NFIB: variants seen among roughly 807,000 people sequenced by gnomAD.
NFIB encodes nuclear factor I B.
Under a neutral mutation model 61.5 loss-of-function variants are expected in NFIB, and 11 were observed. That is an observed-to-expected ratio of 0.18 (90% confidence interval 0.11 to 0.30). NFIB has a LOEUF of 0.30. NFIB is among the 10% of genes least tolerant of loss of function. The probability of loss-of-function intolerance (pLI) is 1.00; values close to 1 mark genes in which losing one functional copy is unlikely to be tolerated. For missense variants in NFIB, 471 were observed against 608.9 expected, an observed-to-expected ratio of 0.77 and a Z score of 2.38; for synonymous variants, 260 against 216.5, an observed-to-expected ratio of 1.20 and a Z score of -1.76.
intron 3 of NFIB, among the ~76,000 whole-genome samples, chr9:14,156,872 T>G (rs1050469910): frequency 2.6e-5 from 4 of 152,136 alleles, no homozygotes; most frequent in African/African-American, 9.7e-5. Context: ...AAAACTAGAT[T>G]CTAAGAACTG....
the NFIB span, among the ~76,000 whole-genome samples, chr9:14,435,169 T>G: frequency 1.3e-5 from 2 of 152,342 alleles, no homozygotes; most frequent in East Asian, 3.9e-4. Flanking sequence ...GGCAAGGCAT[T>G]CTCTGGCCTG....
At chr9:14,522,829 G>A in the NFIB span, among the ~76,000 whole-genome samples, 1 of 152,130 alleles carries the variant, frequency 6.6e-6, no homozygotes, top group African/African-American at 2.4e-5. Flanking sequence ...AACTGTTGAA[G>A]GTGAAGACTG....
intron 2 of NFIB, among the ~76,000 whole-genome samples, chr9:14,294,841 G>C (rs1055724817): frequency 9.2e-5 from 14 of 152,138 alleles, no homozygotes; most frequent in African/African-American, 3.4e-4. Context: ...AATTTTCCTA[G>C]TAGGGATTGT....
At chr9:14,264,397 T>C (rs1228218752) in intron 2 of NFIB, among the ~76,000 whole-genome samples, 1 of 152,124 alleles carries the variant, frequency 6.6e-6, no homozygotes, top group Non-Finnish European at 1.5e-5. Context: ...ACGTGCCCAA[T>C]AAATAATGTT....
chr9:14,267,707 C>G (rs888696982), intron 2 of NFIB, among the ~76,000 whole-genome samples: 2 of 152,192 alleles, frequency 1.3e-5, no homozygotes, highest in East Asian at 3.9e-4. Flanking sequence ...AGTGAGCCCC[C>G]TGAGGGCAGA....
In NFIB at chr9:14,223,512, G is replaced by A. The variant is rs2051971436; in HGVS notation, c.563-43732C>T. On this transcript the variant is annotated intron_variant, in intron 2 of 10. Transcript: ENST00000380953. ...CATTCCAATTTTTTTTAGGGCATTT[G>A]TCTATAAAAATGTAGAAACCACTAA... Among the ~76,000 whole-genome samples, 4 of 152,180 alleles carry A rather than the reference G, an allele frequency of 2.6e-5. 1 individual carries two copies. The Middle Eastern group carries it at 0.01, about 388-fold the overall frequency.
the NFIB span, among the ~76,000 whole-genome samples, chr9:14,506,382 G>C: frequency 6.6e-6 from 1 of 152,134 alleles, no homozygotes; most frequent in African/African-American, 2.4e-5. Context: ...GCCAAAGCTT[G>C]AACTTTTAGA....
At chr9:14,408,355 T>G in the NFIB span, among the ~76,000 whole-genome samples, 1 of 152,226 alleles carries the variant, frequency 6.6e-6, no homozygotes, top group Non-Finnish European at 1.5e-5. Context: ...ATCTTTATTG[T>G]CATCAACTAT....
At chr9:14,182,704 CTCTCTGTGTGTGTGTGTG>C (rs927206560) in intron 2 of NFIB, among the ~76,000 whole-genome samples, 1 of 128,472 alleles carries the variant, frequency 7.8e-6, no homozygotes, top group East Asian at 2.5e-4. Context: ...CTCTCTCTCT[CTCTCTGTGTGTGTGTGTG>C]TGTGTGTGTG....
intron 1 of NFIB, among the ~76,000 whole-genome samples, chr9:14,337,806 A>G (rs2060902156): frequency 6.6e-6 from 1 of 152,162 alleles, no homozygotes; most frequent in Non-Finnish European, 1.5e-5. Flanking sequence ...TTTTCAGTTT[A>G]CTTTTGTTTC....
chr9:14,512,138 G>A, the NFIB span, among the ~76,000 whole-genome samples: 2 of 152,098 alleles, frequency 1.3e-5, no homozygotes, highest in African/African-American at 2.4e-5. Context: ...TTCTAACTCT[G>A]GGTTTCCCAA....
intron 2 of NFIB, among the ~76,000 whole-genome samples, chr9:14,205,570 G>A (rs939436629): frequency 2.0e-5 from 3 of 151,950 alleles, no homozygotes; most frequent in Non-Finnish European, 4.4e-5. Flanking sequence ...AGACTGTTCC[G>A]CAAGTTTAAG....
At chr9:14,504,611 T>C in the NFIB span, among the ~76,000 whole-genome samples, 3 of 152,176 alleles carry the variant, frequency 2.0e-5, no homozygotes, top group African/African-American at 7.2e-5. Flanking sequence ...AGGGGTTAAG[T>C]TCTTGATTTG....
At chr9:14,300,745 T>C (rs2059706152) in intron 2 of NFIB, among the ~76,000 whole-genome samples, 1 of 152,194 alleles carries the variant, frequency 6.6e-6, no homozygotes, top group African/African-American at 2.4e-5. Context: ...TAACCTTCCG[T>C]TGGGTCCCTC....
At chr9:14,320,569 T>C (rs1177963354) in intron 1 of NFIB, among the ~76,000 whole-genome samples, 1 of 152,232 alleles carries the variant, frequency 6.6e-6, no homozygotes, top group Non-Finnish European at 1.5e-5. Context: ...TTGCAGTTTT[T>C]ACTTAGGATG....
chr9:14,451,624 C>T, the NFIB span, among the ~76,000 whole-genome samples: 2 of 152,198 alleles, frequency 1.3e-5, no homozygotes, highest in African/African-American at 4.8e-5. Flanking sequence ...AACTAGCATA[C>T]AAGTATCCAG....
At position 14,289,122 on chromosome 9, in the gene NFIB, GTA is replaced by G. The variant is rs60051220; in HGVS notation, c.562+17865_562+17866del. ...TGTGTGTGTATGTGTGTGTGTATAT[GTA>G]TATATATATATATATACATATATAT... is the stretch of plus-strand genomic sequence containing the variant. On this transcript the variant is annotated intron_variant, in intron 2 of 10. Coordinates refer to ENST00000380953, the MANE Select transcript of NFIB (RefSeq NM_001190737.2). Among the ~76,000 whole-genome samples, 145 of 139,696 alleles carry G rather than the reference GTA, an allele frequency of 1.0e-3. 4 individuals carry two copies. Among genetic ancestry groups the G allele is most frequent in the Admixed American group, 1.5e-3 (21 of 13,670 alleles). The allele number at this position is 139,696 out of a possible 152,430, so 91.6% of individuals were successfully genotyped here. A position where few individuals can be genotyped will look rare whatever the true frequency, so the allele number is the denominator to read the frequency against.
At chr9:14,315,393 G>A (rs970902842), upstream of NFIB, among the ~76,000 whole-genome samples, 7 of 150,204 alleles carry the variant, frequency 4.7e-5, no homozygotes, top group African/African-American at 1.5e-4. Context: ...CCTCCTCCCC[G>A]CGCCCGGCTT....
the NFIB span, among the ~76,000 whole-genome samples, chr9:14,506,205 T>C: frequency 1.3e-5 from 2 of 152,244 alleles, no homozygotes; most frequent in Admixed American, 1.3e-4. Flanking sequence ...TTATTACAAT[T>C]GACATAAGTC....
Sources: gnomAD v4.1 joint callset for allele counts (sites outside exome capture counted in the v4.1 genomes callset) on GRCh38, gnomAD v4.1.1 for gene constraint, MANE v1.5 for transcripts, NCBI Gene and HGNC (gene_info 2026-07-23, HGNC 2026-07-21) for gene names.